The following AFAP1L2 variants were observed in gnomAD, a reference collection of about 807,000 sequenced individuals.
AFAP1L2 encodes actin filament associated protein 1 like 2.
Under a neutral mutation model 99.3 loss-of-function variants are expected in AFAP1L2, and 46 were observed. The observed-to-expected ratio is 0.46, with a 90% CI of 0.37 to 0.59. AFAP1L2 has a LOEUF of 0.59. AFAP1L2 is among the 20% of genes least tolerant of loss of function. The pLI is 0.00. For synonymous variants in AFAP1L2, 397 were observed against 419.1 expected (o/e 0.95, Z 0.64); for missense variants, 959 against 1,034.9 (o/e 0.93, Z 1.01).
the AFAP1L2 span, among the ~76,000 whole-genome samples, chr10:114,288,082 C>G: frequency 6.6e-6 from 1 of 152,154 alleles, no homozygotes; most frequent in Non-Finnish European, 1.5e-5. Flanking sequence ...TGGAATAAAA[C>G]CCAAACTCCT....
downstream of AFAP1L2, chr10:114,290,149 C>T (rs2039424090): frequency 6.7e-7 from 1 of 1,497,118 alleles, no homozygotes; most frequent in Non-Finnish European, 9.0e-7. Flanking sequence ...CTCTAGTAGC[C>T]TTGCACCTCT....
At chr10:114,347,597 G>C (rs2049798845) in intron 1 of AFAP1L2, among the ~76,000 whole-genome samples, 1 of 151,970 alleles carries the variant, frequency 6.6e-6, no homozygotes, top group South Asian at 2.1e-4. Context: ...TTGAGTAGCT[G>C]GGACTATAGG....
chr10:114,315,854 G>A (rs959792579), intron 5 of AFAP1L2, 89 bp from the exon 6 acceptor site: 3 of 1,292,792 alleles, frequency 2.3e-6, no homozygotes, highest in Non-Finnish European at 2.2e-6. Context: ...GGCAGGAGCA[G>A]CAGCAGCCAG....
intron 1 of AFAP1L2, among the ~76,000 whole-genome samples, chr10:114,381,189 A>G (rs2055567351): frequency 6.6e-6 from 1 of 152,260 alleles, no homozygotes; most frequent in Non-Finnish European, 1.5e-5. Context: ...ACAGAATATT[A>G]TTAAGCCATG....
At chr10:114,288,995 G>T in the AFAP1L2 span, 1 of 1,614,118 alleles carries the variant, frequency 6.2e-7, no homozygotes, top group Non-Finnish European at 8.5e-7. Flanking sequence ...GCCTCAGTAG[G>T]GCCCGAGAAT....
chr10:114,398,193 G>C (rs7089635), intron 1 of AFAP1L2, among the ~76,000 whole-genome samples: 48,299 of 152,134 alleles, frequency 0.32, 8,598 homozygotes, highest in East Asian at 0.48. Flanking sequence ...ATTAGGAAAG[G>C]GCTCAAAGCT....
chr10:114,339,800 G>A (rs1319563040), intron 2 of AFAP1L2, among the ~76,000 whole-genome samples: 1 of 149,330 alleles, frequency 6.7e-6, no homozygotes, highest in Non-Finnish European at 1.5e-5. Flanking sequence ...GATCACCTGA[G>A]GTCAGGAGTT....
intron 1 of AFAP1L2, among the ~76,000 whole-genome samples, chr10:114,380,382 A>T (rs886259512): frequency 1.3e-5 from 2 of 152,232 alleles, no homozygotes; most frequent in Non-Finnish European, 2.9e-5. Flanking sequence ...TTAAACTAGG[A>T]ATGAAAAACT....
At chr10:114,327,175 T>TA (rs1564880771) in intron 4 of AFAP1L2, among the ~76,000 whole-genome samples, 1,253 of 55,574 alleles carry the variant, frequency 0.023, 156 homozygotes, top group East Asian at 0.064. Flanking sequence ...ATATATATAT[T>TA]TTTTTTTTAG....
At chr10:114,333,794 G>A (rs1366101268) in intron 2 of AFAP1L2, among the ~76,000 whole-genome samples, 1 of 152,176 alleles carries the variant, frequency 6.6e-6, no homozygotes, top group Admixed American at 6.5e-5. Context: ...CTGGGCAACA[G>A]AGTGCGACTC....
the AFAP1L2 span, among the ~76,000 whole-genome samples, chr10:114,288,444 A>C: frequency 0.2 from 30,898 of 152,240 alleles, 3,272 homozygotes; most frequent in South Asian, 0.28. Flanking sequence ...GGCACAGGTG[A>C]AGATGTTGTC....
At chr10:114,364,371 T>C (rs2052896974) in intron 1 of AFAP1L2, among the ~76,000 whole-genome samples, 1 of 152,198 alleles carries the variant, frequency 6.6e-6, no homozygotes, top group Admixed American at 6.5e-5. Flanking sequence ...AAATCACAGG[T>C]TGACAGGGTC....
At chr10:114,286,191 G>T in the AFAP1L2 span, 1 of 1,614,040 alleles carries the variant, frequency 6.2e-7, no homozygotes, top group Non-Finnish European at 8.5e-7. Flanking sequence ...CCCTTCCGTG[G>T]TGGCCCCACC....
intron 11 of AFAP1L2, among the ~76,000 whole-genome samples, chr10:114,304,107 C>A (rs1032918674): frequency 2.0e-5 from 3 of 152,274 alleles, no homozygotes; most frequent in African/African-American, 7.2e-5. Flanking sequence ...CGATGTGGGT[C>A]TTTCAGCCAC....
chr10:114,301,415 G>C lies in AFAP1L2; in HGVS notation c.1481C>G (p.Pro494Arg). Residue 494 changes from proline to arginine, a missense_variant, in exon 13 of 19, where the codon CCT becomes CGT. Coordinates refer to ENST00000304129, the MANE Select transcript of AFAP1L2 (RefSeq NM_001001936.3). ...SEPNTYIDGL[P>R]SQDRQEELYD... The stretch of plus-strand genomic sequence containing the variant: ...CAGCTCCTCCTGGCGGTCCTGGCTA[G>C]GCAGGCCATCGATGTAAGTGTTGGG... The C allele has an allele frequency of 6.2e-7, 1 of 1,614,230 alleles. No homozygotes were observed. The highest frequency in any genetic ancestry group is 8.5e-7 in the Non-Finnish European group (1 of 1,180,026).
chr10:114,294,901 G>A lies in AFAP1L2; in HGVS notation c.*1141C>T. 1.0e-6 allele frequency: 1 copy of A among 981,288 alleles called. No homozygotes were observed. Among genetic ancestry groups the A allele is most frequent in the South Asian group, 4.8e-5 (1 of 21,048 alleles). The allele number at this position is 981,288 out of a possible 1,614,324, so 60.8% of individuals were successfully genotyped here. A position where few individuals can be genotyped will look rare whatever the true frequency, so the allele number is the denominator to read the frequency against. ...GTAAAAGGTCACCAAATGTTTATGA[G>A]AGAGGAAATAAGAATAAAAAAGACA... On this transcript the variant is annotated 3_prime_UTR_variant, in exon 19 of 19. Transcript: ENST00000304129.
intron 10 of AFAP1L2, 44 bp downstream of exon 10, chr10:114,307,761 C>G (rs1380982895): frequency 1.3e-6 from 2 of 1,555,278 alleles, no homozygotes; most frequent in Non-Finnish European, 1.8e-6. Flanking sequence ...AGGTTCCAGC[C>G]CAGGAAATGA....
At chr10:114,313,161 G>A (rs987855683) in intron 7 of AFAP1L2, among the ~76,000 whole-genome samples, 3 of 152,162 alleles carry the variant, frequency 2.0e-5, no homozygotes, top group South Asian at 4.2e-4. Flanking sequence ...GGAGGGGAAG[G>A]GCTGCTCTGG....
chr10:114,384,803 C>T (rs547714317), intron 1 of AFAP1L2, among the ~76,000 whole-genome samples: 5 of 152,312 alleles, frequency 3.3e-5, no homozygotes, highest in African/African-American at 9.6e-5. Context: ...CTCCATGTGC[C>T]CACAGCAGTG....
Sources: allele counts gnomAD v4.1 joint callset (sites outside exome capture counted in the v4.1 genomes callset), GRCh38; gene constraint gnomAD v4.1.1; transcripts MANE v1.5; gene names NCBI Gene and HGNC (gene_info 2026-07-23, HGNC 2026-07-21).